Variants in TRPM3 observed in about 807,000 individuals in gnomAD.
TRPM3 encodes transient receptor potential cation channel subfamily M member 3.
TRPM3 carries 77 observed loss-of-function variants against 181.2 expected under a neutral mutation model. The observed-to-expected ratio is 0.42, with a 90% CI of 0.35 to 0.51. The LOEUF (loss-of-function observed/expected upper bound fraction) is 0.51, where lower values mean the gene tolerates loss of function less well. Among genes scored for constraint, TRPM3 ranks in the 20% least tolerant of loss-of-function variants. TRPM3 has a pLI of 0.01. For missense variants in TRPM3, 1,759 were observed against 2,196.7 expected, an observed-to-expected ratio of 0.80 and a Z score of 3.98; for synonymous variants, 745 against 796.4, an observed-to-expected ratio of 0.94 and a Z score of 1.09.
rs2070802952 is a variant in TRPM3, at chr9:71,110,414, A to G, written c.177+10764T>C. On this transcript the variant is annotated intron_variant, in intron 1 of 25. Coordinates refer to ENST00000677713, the MANE Select transcript of TRPM3 (RefSeq NM_001366145.2). ...GTAATTCAAATTTCGTTGTTCATAAATAAGTTTTATTAGAAAACAGCTATG... is the reference window on the plus strand; with the variant it reads ...GTAATTCAAATTTCGTTGTTCATAAGTAAGTTTTATTAGAAAACAGCTATG... 2.0e-5 allele frequency among the ~76,000 whole-genome samples: 3 copies of G among 152,242 alleles called. No individual in the cohort carries two copies. In the South Asian group the frequency reaches 6.2e-4, roughly 31 times the overall value.
intron 3 of TRPM3, among the ~76,000 whole-genome samples, chr9:70,848,991 A>AAG (rs1172474094): frequency 6.6e-6 from 1 of 151,356 alleles, no homozygotes; most frequent in African/African-American, 2.4e-5. Context: ...AAAAAAAAAA[A>AAG]AAAAAAAAAA....
chr9:70,910,598 A>G (rs938736138), intron 1 of TRPM3, among the ~76,000 whole-genome samples: 1 of 152,208 alleles, frequency 6.6e-6, no homozygotes, highest in Non-Finnish European at 1.5e-5. Context: ...TAGGTATGCC[A>G]TAGAAGCTGA....
chr9:70,572,569 G>T (rs1174599324), intron 22 of TRPM3, among the ~76,000 whole-genome samples: 1 of 152,118 alleles, frequency 6.6e-6, no homozygotes, highest in Non-Finnish European at 1.5e-5. Context: ...TTGGCACTTA[G>T]TGTTGAGGAG....
intron 1 of TRPM3, among the ~76,000 whole-genome samples, chr9:71,074,557 T>C (rs771214030): frequency 1.3e-5 from 2 of 152,170 alleles, no homozygotes; most frequent in Non-Finnish European, 2.9e-5. Context: ...GTTTTTGCCA[T>C]TACTTTTAAT....
intron 1 of TRPM3, among the ~76,000 whole-genome samples, chr9:71,359,093 G>A (rs960093880): frequency 6.6e-6 from 1 of 152,186 alleles, no homozygotes; most frequent in Non-Finnish European, 1.5e-5. Context: ...CTAAGAACTA[G>A]GTGGGCAAGA....
intron 11 of TRPM3, among the ~76,000 whole-genome samples, chr9:70,637,689 A>G (rs1302430940): frequency 6.6e-6 from 1 of 152,084 alleles, no homozygotes; most frequent in African/African-American, 2.4e-5. Flanking sequence ...TCTAACAACT[A>G]CTACTGGCTG....
intron 1 of TRPM3, among the ~76,000 whole-genome samples, chr9:71,078,884 T>C (rs1245824468): frequency 6.6e-6 from 1 of 152,200 alleles, no homozygotes; most frequent in East Asian, 1.9e-4. Context: ...ATAAGTGCCA[T>C]GACTGTCACC....
chr9:71,260,421 A>G (rs1236757330), intron 1 of TRPM3, among the ~76,000 whole-genome samples: 1 of 152,132 alleles, frequency 6.6e-6, no homozygotes, highest in Non-Finnish European at 1.5e-5. Flanking sequence ...TTGTGAAGGA[A>G]GTCAATGGTA....
At chr9:70,925,415 C>T (rs1051792323) in intron 1 of TRPM3, among the ~76,000 whole-genome samples, 9 of 151,998 alleles carry the variant, frequency 5.9e-5, no homozygotes, top group African/African-American at 9.7e-5. Context: ...TTTAGGGAGG[C>T]TGTGGGAGTC....
chr9:71,180,700 A>G (rs1451765956), intron 1 of TRPM3, among the ~76,000 whole-genome samples: 1 of 152,142 alleles, frequency 6.6e-6, no homozygotes, highest in African/African-American at 2.4e-5. Context: ...AATTCTTAAT[A>G]CTTTTTACTA....
rs180693717 is a variant in TRPM3 at position 70,833,486 on chromosome 9, C to T, written c.802-5468G>A. Among the ~76,000 whole-genome samples, 35 of 152,178 alleles carry T rather than the reference C, an allele frequency of 2.3e-4. No homozygotes were observed. In the East Asian group the frequency reaches 5.2e-3, roughly 23 times the overall value. ...GCATTTATTGATCACTTATTGCATG[C>T]CAGGCACTGTGATGGACAATTTCCC... On this transcript the variant is annotated intron_variant, in intron 5 of 25. Coordinates refer to ENST00000677713, the MANE Select transcript of TRPM3 (RefSeq NM_001366145.2).
At chr9:70,603,129 A>G (rs1192775838) in intron 20 of TRPM3, among the ~76,000 whole-genome samples, 1 of 152,204 alleles carries the variant, frequency 6.6e-6, no homozygotes, top group Non-Finnish European at 1.5e-5. Flanking sequence ...AGAATAGACC[A>G]AATCCTAAGC....
chr9:70,784,078 T>C, intron 7 of TRPM3, 27 bp downstream of exon 7: 1 of 1,604,838 alleles, frequency 6.2e-7, no homozygotes, highest in South Asian at 1.1e-5. Flanking sequence ...TTTAGGGTTC[T>C]TCCATGGGGC....
At chr9:70,872,144 G>A (rs1055099540) in intron 1 of TRPM3, among the ~76,000 whole-genome samples, 2 of 151,990 alleles carry the variant, frequency 1.3e-5, no homozygotes, top group Non-Finnish European at 2.9e-5. Context: ...TAGGCTCTTT[G>A]AGGGCGATAC....
intron 8 of TRPM3, among the ~76,000 whole-genome samples, chr9:70,689,241 T>G (rs979607229): frequency 1.3e-5 from 2 of 152,084 alleles, no homozygotes; most frequent in Non-Finnish European, 2.9e-5. Flanking sequence ...AAAACATTTT[T>G]GGGGGGTGGT....
At chr9:71,127,073 A>C (rs1319852823) in intron 1 of TRPM3, among the ~76,000 whole-genome samples, 1 of 151,846 alleles carries the variant, frequency 6.6e-6, no homozygotes, top group East Asian at 1.9e-4. Flanking sequence ...GGAAAAAACA[A>C]AAACAAAAAC....
chr9:71,276,267 A>G (rs1024092585), intron 1 of TRPM3, among the ~76,000 whole-genome samples: 68 of 151,294 alleles, frequency 4.5e-4, no homozygotes, highest in African/African-American at 1.5e-3. Flanking sequence ...GTGAAAGGCA[A>G]AATTTTAAAA....
intron 1 of TRPM3, among the ~76,000 whole-genome samples, chr9:71,155,045 C>T (rs1295029136): frequency 3.3e-5 from 5 of 151,984 alleles, no homozygotes; most frequent in African/African-American, 4.8e-5. Flanking sequence ...CTTCAGAAAC[C>T]GTTTTATCCT....
At position 70,927,669 on chromosome 9, in the gene TRPM3, G is replaced by A. The variant is rs186317361; in HGVS notation, c.178-63158C>T. On this transcript the variant is annotated intron_variant, in intron 1 of 25. Transcript: ENST00000677713. ...CTTCTAGCATTTCTCTTAGGCCTGCGCACAGAGTCTGCAGTGCCCTGTTTT... is the reference window on the plus strand; with the variant it reads ...CTTCTAGCATTTCTCTTAGGCCTGCACACAGAGTCTGCAGTGCCCTGTTTT... 2.5e-3 allele frequency among the ~76,000 whole-genome samples: 383 copies of A among 152,248 alleles called. 1 individual carries two copies. The highest frequency in any genetic ancestry group is 8.7e-3 in the African/African-American group (363 of 41,540).
Sources: gnomAD v4.1 joint callset for allele counts (sites outside exome capture counted in the v4.1 genomes callset) on GRCh38, gnomAD v4.1.1 for gene constraint, MANE v1.5 for transcripts, NCBI Gene and HGNC (gene_info 2026-07-23, HGNC 2026-07-21) for gene names.